MTCL2: variants seen among roughly 807,000 people sequenced by gnomAD.
MTCL2 encodes the protein microtubule cross-linking factor 2.
the MTCL2 span, chr20:36,863,409 T>C: frequency 1.8e-6 from 2 of 1,106,556 alleles, no homozygotes; most frequent in Non-Finnish European, 2.2e-6. This position sits in a 1 kb window ranked among gnomAD's most constrained non-coding sequence, Gnocchi z 6.2. Context: ...TCGACGTCCC[T>C]GGGGAGGGAC....
chr20:36,796,878 G>A, the MTCL2 span: 1 of 1,613,874 alleles, frequency 6.2e-7, no homozygotes, highest in Non-Finnish European at 8.5e-7. Context: ...CAGCATGCAA[G>A]CACCTCTTTA....
At chr20:36,823,384 C>T in the MTCL2 span, among the ~76,000 whole-genome samples, 27 of 152,128 alleles carry the variant, frequency 1.8e-4, no homozygotes, top group African/African-American at 5.6e-4. Context: ...TCTCCAGACC[C>T]GCAGCCCTCA....
At chr20:36,810,869 G>A in the MTCL2 span, among the ~76,000 whole-genome samples, 5 of 152,026 alleles carry the variant, frequency 3.3e-5, no homozygotes, top group East Asian at 7.7e-4. Flanking sequence ...ACAGGCACCC[G>A]CCACCACGCC....
chr20:36,855,394 T>C, the MTCL2 span, among the ~76,000 whole-genome samples: 3 of 152,174 alleles, frequency 2.0e-5, no homozygotes, highest in Admixed American at 2.0e-4. Context: ...GGCCTGCTGC[T>C]TCCACCTGCT....
chr20:36,777,720 G>A, the MTCL2 span: 1 of 531,770 alleles, frequency 1.9e-6, no homozygotes, highest in East Asian at 3.5e-5. Context: ...GGGTCCCCCA[G>A]GGCCCATGAC....
the MTCL2 span, among the ~76,000 whole-genome samples, chr20:36,819,413 A>G: frequency 2.0e-5 from 3 of 152,040 alleles, no homozygotes; most frequent in East Asian, 5.8e-4. Flanking sequence ...TCTGAGTCCC[A>G]TTTTTCTGAA....
chr20:36,777,923 G>A, the MTCL2 span: 3 of 598,824 alleles, frequency 5.0e-6, no homozygotes, highest in Non-Finnish European at 8.9e-6. Context: ...TGGGGATTTA[G>A]GATGCTTTCT....
At chr20:36,806,417 C>T in the MTCL2 span, among the ~76,000 whole-genome samples, 33 of 152,092 alleles carry the variant, frequency 2.2e-4, no homozygotes, top group Admixed American at 3.3e-4. Flanking sequence ...ATTACAGGCG[C>T]GAGCCACCAT....
At chr20:36,823,302 A>C in the MTCL2 span, among the ~76,000 whole-genome samples, 390 of 152,336 alleles carry the variant, frequency 2.6e-3, 4 homozygotes, top group African/African-American at 9.1e-3. Context: ...TTCCCGGGCA[A>C]CTGGCAGCTC....
the MTCL2 span, among the ~76,000 whole-genome samples, chr20:36,852,848 G>C: frequency 6.9e-4 from 105 of 152,276 alleles, 1 homozygote; most frequent in South Asian, 8.7e-3. Context: ...CCTGAGGTCA[G>C]GAGTTCGAGA....
At chr20:36,851,419 A>G in the MTCL2 span, among the ~76,000 whole-genome samples, 290 of 152,300 alleles carry the variant, frequency 1.9e-3, no homozygotes, top group African/African-American at 6.4e-3. Flanking sequence ...AGCCCCGTCC[A>G]CTTCTCCATC....
At chr20:36,822,626 C>A in the MTCL2 span, among the ~76,000 whole-genome samples, 2 of 152,334 alleles carry the variant, frequency 1.3e-5, no homozygotes, top group Non-Finnish European at 2.9e-5. Flanking sequence ...AAACAAAGGC[C>A]AACCTTCCAA....
At chr20:36,814,963 AG>A in the MTCL2 span, among the ~76,000 whole-genome samples, 1 of 152,050 alleles carries the variant, frequency 6.6e-6, no homozygotes, top group Admixed American at 6.6e-5. Flanking sequence ...CAGGAGAGTG[AG>A]GGGGGGAGAA....
chr20:36,815,359 G>A, the MTCL2 span: 9 of 1,613,744 alleles, frequency 5.6e-6, no homozygotes, highest in African/African-American at 1.1e-4. This position sits in a 1 kb window ranked among gnomAD's most constrained non-coding sequence, Gnocchi z 5.3. Flanking sequence ...GGGGCCTCAT[G>A]CAGCCGGAAG....
At chr20:36,797,003 AG>A in the MTCL2 span, 1 of 1,557,696 alleles carries the variant, frequency 6.4e-7, no homozygotes, top group Non-Finnish European at 8.9e-7. Flanking sequence ...CAGAGCACTA[AG>A]GGCATGGAAC....
chr20:36,804,765 C>T, the MTCL2 span: 2 of 1,613,848 alleles, frequency 1.2e-6, no homozygotes, highest in Non-Finnish European at 1.7e-6. Context: ...GCTCTGCCCG[C>T]TCTGTCTCCC....
chr20:36,854,512 ACGGGACAGAGGCC>A, the MTCL2 span, among the ~76,000 whole-genome samples: 1 of 151,986 alleles, frequency 6.6e-6, no homozygotes, highest in Non-Finnish European at 1.5e-5. Flanking sequence ...GAGCAAGAGC[ACGGGACAGAGGCC>A]GGGGTGTGTC....
At chr20:36,839,302 C>T in the MTCL2 span, 8 of 1,612,484 alleles carry the variant, frequency 5.0e-6, no homozygotes, top group East Asian at 4.5e-5. This position sits in a 1 kb window ranked among gnomAD's most constrained non-coding sequence, Gnocchi z 5.1. Flanking sequence ...CTCGGCTTTG[C>T]GCAGCCGGTA....
chr20:36,858,849 GGCGCCA>G, the MTCL2 span, among the ~76,000 whole-genome samples: 1 of 152,054 alleles, frequency 6.6e-6, no homozygotes, highest in Non-Finnish European at 1.5e-5. Flanking sequence ...AGAGTGCAGT[GGCGCCA>G]TCTCGGATCA....
Sources: allele counts gnomAD v4.1 joint callset (sites outside exome capture counted in the v4.1 genomes callset), GRCh38; gene constraint gnomAD v4.1.1; non-coding constraint Gnocchi (gnomAD v3.1); transcripts MANE v1.5; gene names NCBI Gene and HGNC (gene_info 2026-07-23, HGNC 2026-07-21).